The following ZMYND8 variants were observed in gnomAD, a reference collection of about 807,000 sequenced individuals.
ZMYND8 encodes the protein MYND-type zinc finger-containing chromatin reader ZMYND8.
In ZMYND8, 37 loss-of-function variants were observed where a neutral mutation model predicts 140.8. That is an observed-to-expected ratio of 0.26 (90% CI 0.20 to 0.35). The LOEUF (loss-of-function observed/expected upper bound fraction) is 0.35, where lower values mean the gene tolerates loss of function less well. Ranked by LOEUF, ZMYND8 falls within the 10% of genes least tolerant of loss-of-function variation. The pLI, the probability that ZMYND8 is intolerant of heterozygous loss-of-function variation, is 1.00. For missense variants in ZMYND8, 1,068 were observed against 1,570.0 expected, an observed-to-expected ratio of 0.68 and a Z score of 5.40; for synonymous variants, 592 against 597.1, an observed-to-expected ratio of 0.99 and a Z score of 0.12.
At chr20:47,294,557 AG>A in intron 5 of ZMYND8, 108 bp downstream of exon 5, 1 of 957,496 alleles carries the variant, frequency 1.0e-6, no homozygotes, top group Non-Finnish European at 1.6e-6. Flanking sequence ...TGGGGATGCA[AG>A]GAGGCCCAAA....
chr20:47,276,346 T>C lies in ZMYND8; in HGVS notation c.1448A>G (p.Glu483Gly). The change falls in exon 11 of 23, where the codon GAG becomes GGG. Residue 483 changes from glutamate to glycine, a missense_variant. This residue lies in a region of ZMYND8 where 173 missense variants were observed against 223.3 expected (regional missense o/e 0.77). Transcript: ENST00000471951. The part of the protein sequence containing the change: ...KATSSHFSAS[E>G]ESMDFLDKST... ...CTTATCCAGGAAGTCCATGGACTCC[T>C]CGCTCGCACTGAAGTGGCTCGACGT... The C allele has an allele frequency of 6.3e-7, 1 of 1,588,550 alleles. No homozygotes were observed. The highest frequency in any genetic ancestry group is 2.2e-5 in the East Asian group (1 of 44,448).
chr20:47,251,873 C>T (rs1248709439), intron 12 of ZMYND8, among the ~76,000 whole-genome samples: 1 of 151,916 alleles, frequency 6.6e-6, no homozygotes, highest in Non-Finnish European at 1.5e-5. Context: ...TCTGTCTGGC[C>T]GCCATGCAAG....
chr20:47,356,540 A>G lies in ZMYND8; in HGVS notation c.14+117T>C, dbSNP rs559302133. 5.8e-4 allele frequency: 942 copies of G among 1,612,946 alleles called. 4 individuals carry two copies. The highest frequency in any genetic ancestry group is 2.4e-3 in the South Asian group (214 of 91,048). On this transcript the variant is annotated intron_variant, in intron 1 of 22. Transcript: ENST00000471951. ...TCTCTCTAAACAGTTCCAAGTTAAC[A>G]TAAGTGCTCTGGGGGTGAGTGTGGC...
At chr20:47,246,632 C>T (rs755215555) in intron 13 of ZMYND8, 115 bp from the exon 14 acceptor site, 67 of 1,411,922 alleles carry the variant, frequency 4.7e-5, no homozygotes, top group Non-Finnish European at 5.5e-5. Context: ...CGTTTCAAAT[C>T]GCATCACATT....
intron 11 of ZMYND8, among the ~76,000 whole-genome samples, chr20:47,274,254 T>C (rs534448617): frequency 1.3e-5 from 2 of 152,392 alleles, no homozygotes; most frequent in South Asian, 4.1e-4. Flanking sequence ...TTACTAGTTA[T>C]GTATTAATTT....
At chr20:47,332,747 T>C (rs1176402803) in intron 2 of ZMYND8, among the ~76,000 whole-genome samples, 9 of 152,090 alleles carry the variant, frequency 5.9e-5, no homozygotes, top group Admixed American at 3.9e-4. Flanking sequence ...AATTTAAATG[T>C]GTATATTCTT....
intron 17 of ZMYND8, among the ~76,000 whole-genome samples, chr20:47,228,088 T>C: frequency 7.3e-6 from 1 of 137,736 alleles, no homozygotes; most frequent in African/African-American, 2.9e-5. Flanking sequence ...GCGAGACTCT[T>C]CTCAAAAAAA....
intron 15 of ZMYND8, chr20:47,238,435 G>A (rs2039517544): frequency 2.3e-6 from 1 of 433,492 alleles, no homozygotes; most frequent in Non-Finnish European, 4.2e-6. Flanking sequence ...GGTTGATACT[G>A]GCCACTGTGG....
chr20:47,276,644 G>A lies in ZMYND8; in HGVS notation c.1150C>T (p.Pro384Ser). 6.2e-7 allele frequency: 1 copy of A among 1,613,860 alleles called. No individual in the cohort carries two copies. Among genetic ancestry groups the A allele is most frequent in the Non-Finnish European group, 8.5e-7 (1 of 1,180,000 alleles). ...TTGGGTGTGTAGGGTGTCCTAAATG[G>A]AGAGTAATTAAAAACCCCAAACTTC... Reference protein sequence around the residue: ...RRKFGVFNYSPFRTPYTPNSQ... With the variant: ...RRKFGVFNYSSFRTPYTPNSQ... The change falls in exon 11 of 23, where the codon CCA (proline) becomes TCA (serine). Residue 384 changes from proline (P) to serine (S), a missense_variant. Transcript: ENST00000471951.
intron 2 of ZMYND8, among the ~76,000 whole-genome samples, chr20:47,314,608 G>T (rs763156143): frequency 6.6e-6 from 1 of 152,202 alleles, no homozygotes; most frequent in Admixed American, 6.5e-5. Context: ...AAGTCCTCCC[G>T]AAGACTGGGA....
chr20:47,352,066 G>A (rs2082828302), intron 1 of ZMYND8: 2 of 942,726 alleles, frequency 2.1e-6, no homozygotes, highest in Admixed American at 6.2e-5. Flanking sequence ...AATTAGGTGG[G>A]TAGAAGGTTA....
intron 3 of ZMYND8, 150 bp from the exon 4 acceptor site, chr20:47,299,097 AAT>A: frequency 1.4e-6 from 1 of 718,130 alleles, no homozygotes; most frequent in Non-Finnish European, 2.3e-6. Flanking sequence ...TACTCTACTA[AAT>A]ATATAATTAG....
At chr20:47,300,490 T>C (rs890221488) in intron 3 of ZMYND8, among the ~76,000 whole-genome samples, 4 of 152,244 alleles carry the variant, frequency 2.6e-5, no homozygotes, top group Non-Finnish European at 4.4e-5. Context: ...ACGGTTATCA[T>C]TGATAGACAG....
intron 3 of ZMYND8, among the ~76,000 whole-genome samples, chr20:47,300,930 G>GTGTGTGTGTGTGTGTGTGTGTA (rs757554886): frequency 4.9e-5 from 7 of 141,422 alleles, no homozygotes; most frequent in East Asian, 4.1e-4. Context: ...GTGTGTGTGT[G>GTGTGTGTGTGTGTGTGTGTGTA]TGTGTTTTGT....
At chr20:47,229,668 T>A in intron 17 of ZMYND8, 58 bp downstream of exon 17, 1 of 1,556,250 alleles carries the variant, frequency 6.4e-7, no homozygotes, top group Non-Finnish European at 8.9e-7. Context: ...TGGTACCACC[T>A]TTAAAGCAGC....
intron 2 of ZMYND8, among the ~76,000 whole-genome samples, chr20:47,315,908 G>T (rs1300659617): frequency 1.3e-5 from 2 of 152,196 alleles, no homozygotes; most frequent in Admixed American, 6.6e-5. Flanking sequence ...GAGGAATGCA[G>T]CCTTATGGAG....
At chr20:47,223,011 C>T (rs2037207392) in intron 19 of ZMYND8, among the ~76,000 whole-genome samples, 1 of 152,208 alleles carries the variant, frequency 6.6e-6, no homozygotes, top group Non-Finnish European at 1.5e-5. Context: ...TCTCGCCCTT[C>T]ACAGAAAAAG....
In ZMYND8 at chr20:47,276,630, G is replaced by C. The variant is rs777546620; in HGVS notation, c.1164C>G (p.Pro388=). The C allele has an allele frequency of 8.1e-6, 13 of 1,613,892 alleles. No homozygotes were observed. In the Admixed American group the frequency reaches 1.2e-4, roughly 14 times the overall value. ...TTTGATACTGGCTGTTGGGTGTGTA[G>C]GGTGTCCTAAATGGAGAGTAATTAA... ...GVFNYSPFRT[P]YTPNSQYQML... Residue 388 remains proline (P), a synonymous_variant, in exon 11 of 23, where the codon CCC becomes CCG. Transcript: ENST00000471951.
At chr20:47,213,989 C>G (rs545717312) in intron 21 of ZMYND8, among the ~76,000 whole-genome samples, 1 of 152,114 alleles carries the variant, frequency 6.6e-6, no homozygotes, top group Non-Finnish European at 1.5e-5. Flanking sequence ...AAGCTTAAAA[C>G]GAAAAGATGA....
Sources: gnomAD v4.1 joint callset for allele counts (sites outside exome capture counted in the v4.1 genomes callset) on GRCh38, gnomAD v4.1.1 for gene constraint, gnomAD v4.1.1 regional missense constraint, MANE v1.5 for transcripts, NCBI Gene and HGNC (gene_info 2026-07-23, HGNC 2026-07-21) for gene names.